SRD5A2: variants seen among roughly 807,000 people sequenced by gnomAD.
The protein encoded by SRD5A2 is steroid 5 alpha-reductase 2.
SRD5A2 carries 30 observed loss-of-function variants against 27.4 expected under a neutral mutation model. That is an observed-to-expected ratio of 1.10 (90% CI 0.82 to 1.49). The LOEUF (loss-of-function observed/expected upper bound fraction) is 1.49. SRD5A2 is among the 40% of genes most tolerant of loss of function. The pLI is 0.00. For missense variants in SRD5A2, 348 were observed against 323.4 expected, an observed-to-expected ratio of 1.08 and a Z score of -0.58; for synonymous variants, 141 against 133.6, an observed-to-expected ratio of 1.06 and a Z score of -0.38.
At chr2:31,621,295 C>G in the SRD5A2 span, among the ~76,000 whole-genome samples, 8 of 151,962 alleles carry the variant, frequency 5.3e-5, no homozygotes, top group African/African-American at 1.9e-4. Context: ...TCTCTGACAC[C>G]TAGAAATTAT....
the SRD5A2 span, among the ~76,000 whole-genome samples, chr2:31,652,219 G>T: frequency 6.6e-6 from 1 of 152,104 alleles, no homozygotes; most frequent in South Asian, 2.1e-4. Context: ...GCCTCCCAAA[G>T]TGCTGTGATC....
chr2:31,637,044 T>A, the SRD5A2 span, among the ~76,000 whole-genome samples: 1 of 152,222 alleles, frequency 6.6e-6, no homozygotes, highest in East Asian at 1.9e-4. Context: ...TGAATAGAAC[T>A]GGTATTAGTT....
At position 31,573,248 on chromosome 2, in the gene SRD5A2, A is replaced by G. The variant is rs573951667; in HGVS notation, c.281+7372T>C. On this transcript the variant is annotated intron_variant, in intron 1 of 4. Coordinates refer to ENST00000622030, the MANE Select transcript of SRD5A2 (RefSeq NM_000348.4). ...CAAAATGAGATAGCCAATGCAAAGAACATAATATAATGCCTGGAACACCCA... is the reference window on the plus strand; with the variant it reads ...CAAAATGAGATAGCCAATGCAAAGAGCATAATATAATGCCTGGAACACCCA... Among the ~76,000 whole-genome samples, 12 of 152,348 alleles carry G rather than the reference A, an allele frequency of 7.9e-5. No individual in the cohort carries two copies. In the South Asian group the frequency reaches 2.5e-3, roughly 32 times the overall value.
chr2:31,653,387 C>T, the SRD5A2 span, among the ~76,000 whole-genome samples: 1 of 152,172 alleles, frequency 6.6e-6, no homozygotes, highest in African/African-American at 2.4e-5. Context: ...TTAAGAATCC[C>T]AAATCCTTCT....
intron 1 of SRD5A2, among the ~76,000 whole-genome samples, chr2:31,564,198 G>A (rs1457742285): frequency 6.6e-6 from 1 of 151,996 alleles, no homozygotes; most frequent in Non-Finnish European, 1.5e-5. Flanking sequence ...ACAAAATTAA[G>A]TAGGGACATG....
intron 1 of SRD5A2, among the ~76,000 whole-genome samples, chr2:31,566,837 T>C (rs1666738282): frequency 6.6e-6 from 1 of 152,140 alleles, no homozygotes; most frequent in African/African-American, 2.4e-5. Context: ...TTCTATAAGG[T>C]ATAATAGGAG....
chr2:31,554,988 C>T (rs537386484), intron 1 of SRD5A2, among the ~76,000 whole-genome samples: 17 of 144,350 alleles, frequency 1.2e-4, no homozygotes, highest in Middle Eastern at 3.6e-3. Context: ...TGTGTGTTAC[C>T]GCCAGGCCAG....
chr2:31,541,585 A>G (rs1423192460), intron 1 of SRD5A2, among the ~76,000 whole-genome samples: 2 of 152,128 alleles, frequency 1.3e-5, no homozygotes, highest in African/African-American at 4.8e-5. Flanking sequence ...CAAACTATCT[A>G]CACACACAAA....
chr2:31,646,444 C>T, the SRD5A2 span, among the ~76,000 whole-genome samples: 4 of 152,106 alleles, frequency 2.6e-5, no homozygotes, highest in Non-Finnish European at 4.4e-5. Context: ...ACACTGCATT[C>T]CTATTTCAGG....
At chr2:31,546,057 G>C (rs12997007) in intron 1 of SRD5A2, among the ~76,000 whole-genome samples, 1 of 152,056 alleles carries the variant, frequency 6.6e-6, no homozygotes, top group East Asian at 1.9e-4. Context: ...AGAAGTTAAA[G>C]AAGAATATAA....
the SRD5A2 span, among the ~76,000 whole-genome samples, chr2:31,623,078 G>A: frequency 0.019 from 2,894 of 151,904 alleles, 57 homozygotes; most frequent in African/African-American, 0.041. Flanking sequence ...TCTGATTGCC[G>A]GCCACTATGC....
the SRD5A2 span, among the ~76,000 whole-genome samples, chr2:31,625,016 C>G: frequency 6.6e-6 from 1 of 152,300 alleles, no homozygotes; most frequent in Non-Finnish European, 1.5e-5. Context: ...TCCTCTCCAG[C>G]ACCTGTTGTT....
chr2:31,550,547 A>G (rs548218683), intron 1 of SRD5A2, among the ~76,000 whole-genome samples: 5 of 152,062 alleles, frequency 3.3e-5, no homozygotes, highest in African/African-American at 1.2e-4. Flanking sequence ...ATATAGCATG[A>G]CCAACTGGAG....
At chr2:31,581,159 AC>A, upstream of SRD5A2, 1 of 511,198 alleles carries the variant, frequency 2.0e-6, no homozygotes, top group Non-Finnish European at 3.4e-6. Context: ...CTTTACATTC[AC>A]CTCCCGCTTA....
intron 1 of SRD5A2, among the ~76,000 whole-genome samples, chr2:31,556,520 G>A (rs1666498117): frequency 6.6e-6 from 1 of 152,132 alleles, no homozygotes; most frequent in African/African-American, 2.4e-5. Context: ...GCAAACACAT[G>A]GATTCTTATA....
At chr2:31,577,182 A>AAAAAGG (rs1666976207) in intron 1 of SRD5A2, among the ~76,000 whole-genome samples, 1 of 141,990 alleles carries the variant, frequency 7.0e-6, no homozygotes, top group Non-Finnish European at 1.5e-5. Flanking sequence ...AAAAAAAAAA[A>AAAAAGG]GAGGTGAGAT....
At chr2:31,614,840 C>G in the SRD5A2 span, among the ~76,000 whole-genome samples, 2 of 152,170 alleles carry the variant, frequency 1.3e-5, no homozygotes, top group Non-Finnish European at 2.9e-5. Flanking sequence ...CCAATCTTAT[C>G]TTTAATTGTA....
At chr2:31,622,670 T>C in the SRD5A2 span, among the ~76,000 whole-genome samples, 3 of 152,058 alleles carry the variant, frequency 2.0e-5, no homozygotes, top group Admixed American at 6.6e-5. Context: ...TGTAATGGTT[T>C]TACTGGGATT....
the SRD5A2 span, among the ~76,000 whole-genome samples, chr2:31,636,954 C>T: frequency 6.6e-6 from 1 of 151,860 alleles, no homozygotes; most frequent in Non-Finnish European, 1.5e-5. Context: ...GTATCTTTAT[C>T]TGGTTTCAGT....
Sources: gnomAD v4.1 joint callset for allele counts (sites outside exome capture counted in the v4.1 genomes callset) on GRCh38, gnomAD v4.1.1 for gene constraint, MANE v1.5 for transcripts, NCBI Gene and HGNC (gene_info 2026-07-23, HGNC 2026-07-21) for gene names.